The following NCOA1 variants were observed in gnomAD, a reference collection of about 807,000 sequenced individuals.
The protein encoded by NCOA1 is Hin-2 protein.
In NCOA1, 35 loss-of-function variants were observed where a neutral mutation model predicts 150.9. That is an observed-to-expected ratio of 0.23 (90% CI 0.18 to 0.31). The LOEUF (loss-of-function observed/expected upper bound fraction) is 0.31. NCOA1 is among the 10% of genes least tolerant of loss of function. The probability of loss-of-function intolerance (pLI) is 1.00; values close to 1 mark genes in which losing one functional copy is unlikely to be tolerated. For synonymous variants in NCOA1, 590 were observed against 630.0 expected, an observed-to-expected ratio of 0.94 and a Z score of 0.95; for missense variants, 1,491 against 1,749.3, an observed-to-expected ratio of 0.85 and a Z score of 2.63.
intron 3 of NCOA1, among the ~76,000 whole-genome samples, chr2:24,640,529 C>T (rs1670165875): frequency 6.6e-6 from 1 of 151,918 alleles, no homozygotes; most frequent in South Asian, 2.1e-4. Context: ...TGATTCTGGC[C>T]GGGCATGGTG....
intron 3 of NCOA1, among the ~76,000 whole-genome samples, chr2:24,616,092 T>C (rs1345261337): frequency 6.6e-6 from 1 of 152,124 alleles, no homozygotes; most frequent in East Asian, 1.9e-4. Flanking sequence ...CTTTTTGGAG[T>C]CTACATGCTT....
intron 13 of NCOA1, among the ~76,000 whole-genome samples, chr2:24,708,331 A>C (rs1212626261): frequency 6.6e-6 from 1 of 152,100 alleles, no homozygotes; most frequent in Non-Finnish European, 1.5e-5. Context: ...ATTTCCTTTG[A>C]AGCATTTCCT....
chr2:24,748,378 G>A (rs1290193803), intron 19 of NCOA1, among the ~76,000 whole-genome samples: 4 of 152,190 alleles, frequency 2.6e-5, no homozygotes, highest in South Asian at 2.1e-4. Context: ...TTGGGAGGCC[G>A]AGGCAGGCGG....
intron 12 of NCOA1, 74 bp from the exon 13 acceptor site, chr2:24,706,494 A>G (rs1673438062): frequency 6.9e-7 from 1 of 1,439,684 alleles, no homozygotes; most frequent in Non-Finnish European, 9.2e-7. Flanking sequence ...GTCTTGTTTT[A>G]GAATATGTAT....
chr2:24,688,128 A>G (rs942160288), intron 8 of NCOA1, among the ~76,000 whole-genome samples: 2 of 152,008 alleles, frequency 1.3e-5, no homozygotes, highest in African/African-American at 4.8e-5. Context: ...GTGTGTATGT[A>G]CTACATTTTC....
intron 18 of NCOA1, among the ~76,000 whole-genome samples, chr2:24,740,380 C>T (rs1345823967): frequency 1.3e-5 from 2 of 152,164 alleles, no homozygotes; most frequent in East Asian, 3.9e-4. Flanking sequence ...ACTTAGCATC[C>T]TGGCTATGTG....
intron 5 of NCOA1, among the ~76,000 whole-genome samples, chr2:24,662,446 A>AG (rs1363643481): frequency 2.0e-5 from 3 of 152,224 alleles, no homozygotes; most frequent in Non-Finnish European, 4.4e-5. Context: ...TAAGGATACA[A>AG]GTGAAATGTG....
chr2:24,723,569 A>C (rs1674462987), intron 14 of NCOA1, among the ~76,000 whole-genome samples: 1 of 152,186 alleles, frequency 6.6e-6, no homozygotes. Context: ...CAATACATTG[A>C]ATTATGTACT....
At chr2:24,688,059 T>A (rs1672489778) in intron 8 of NCOA1, among the ~76,000 whole-genome samples, 1 of 152,222 alleles carries the variant, frequency 6.6e-6, no homozygotes, top group South Asian at 2.1e-4. Flanking sequence ...TCCATTTCCA[T>A]CCATGTTCCT....
At chr2:24,578,398 A>G (rs1054898458) in intron 2 of NCOA1, among the ~76,000 whole-genome samples, 7 of 152,202 alleles carry the variant, frequency 4.6e-5, no homozygotes, top group African/African-American at 1.7e-4. Flanking sequence ...TATAAAAACT[A>G]AGCACATCTG....
Position 24,706,616 on chromosome 2 carries a change from A to G in NCOA1, c.1146A>G (p.Ser382=), listed in dbSNP as rs556436033. 1 of 1,614,066 alleles carries G rather than the reference A, an allele frequency of 6.2e-7. No homozygotes were observed. Among genetic ancestry groups the G allele is most frequent in the African/African-American group, 1.3e-5 (1 of 75,038 alleles). ...SPQDDTNSGM[S]IPRVNPSVNP... is the part of the protein sequence containing the mutation. ...AAGATGACACTAATTCTGGAATGTC[A>G]ATTCCCCGAGTAAATCCCTCGGTCA... Residue 382 remains serine (S), a synonymous_variant, in exon 13 of 23, where the codon TCA becomes TCG. Transcript: ENST00000348332.
At chr2:24,690,102 T>C (rs1672592747) in intron 8 of NCOA1, among the ~76,000 whole-genome samples, 1 of 152,202 alleles carries the variant, frequency 6.6e-6, no homozygotes, top group Admixed American at 6.5e-5. Context: ...CAAGGTATCT[T>C]ATGTATTTTA....
At chr2:24,524,638 A>T (rs1266215535) in intron 1 of NCOA1, among the ~76,000 whole-genome samples, 2 of 151,318 alleles carry the variant, frequency 1.3e-5, no homozygotes, top group Non-Finnish European at 2.9e-5. Context: ...ATGGAGTTTC[A>T]CTATTGTTGC....
chr2:24,706,746 C>A lies in NCOA1; in HGVS notation c.1276C>A (p.Leu426Ile). The A allele has an allele frequency of 1.9e-6, 3 of 1,614,214 alleles. No homozygotes were observed. The highest frequency in any genetic ancestry group is 2.5e-6 in the Non-Finnish European group (3 of 1,180,036). Residue 426 changes from leucine (L) to isoleucine (I), a missense_variant, in exon 13 of 23, where the codon CTT becomes ATT. Physicochemically the swap from Leu to Ile is conservative, Grantham distance 5. Around this residue, in one of 8 missense-constraint regions of NCOA1, gnomAD observed 703 missense variants for 717.7 expected, o/e 0.98. Coordinates refer to ENST00000348332, the MANE Select transcript of NCOA1 (RefSeq NM_003743.5). ...AATAAACCGCCAGCAGAGCTCAGAC[C>A]TTCATAGCAGCAGTCATAGTAATTC... ...TRINRQQSSD[L>I]HSSSHSNSSN... is the part of the protein sequence containing the mutation.
Position 24,564,392 on chromosome 2 carries a change from A to C in NCOA1, c.-298A>C, listed in dbSNP as rs1401299915. On this transcript the variant is annotated 5_prime_UTR_variant, in exon 2 of 23. Coordinates refer to ENST00000348332, the MANE Select transcript of NCOA1 (RefSeq NM_003743.5). ...ATGCAGTAGGCAACTTTGCTTCCAA[A>C]AGAAGTTACCAACATTTAGAATTTC... The C allele has an allele frequency of 6.6e-6, 1 of 152,212 alleles. No individual in the cohort carries two copies. The highest frequency in any genetic ancestry group is 1.5e-5 in the Non-Finnish European group (1 of 68,032). The allele number at this position is 152,212 out of a possible 1,614,324, so 9.4% of individuals were successfully genotyped here. A position where few individuals can be genotyped will look rare whatever the true frequency, so the allele number is the denominator to read the frequency against.
chr2:24,672,392 G>A (rs1310648075), intron 6 of NCOA1, among the ~76,000 whole-genome samples: 1 of 152,022 alleles, frequency 6.6e-6, no homozygotes, highest in African/African-American at 2.4e-5. Flanking sequence ...TGGAATACTT[G>A]AAATCCTTCT....
chr2:24,576,149 G>GTTTTTTTTTGTTTTTTTTT lies in NCOA1; in HGVS notation c.-259-8318_-259-8317insGTTTTTTTTTTTTTTTTTT, dbSNP rs1666947727. On this transcript the variant is annotated intron_variant, in intron 2 of 22. Coordinates refer to ENST00000348332, the MANE Select transcript of NCOA1 (RefSeq NM_003743.5). ...GAGTTTCAGAAATTATTTGGCCTTTGTTTTTTTTTTTTTGTTTTTTGTTTT... is the reference window on the plus strand; with the variant it reads ...GAGTTTCAGAAATTATTTGGCCTTTGTTTTTTTTTGTTTTTTTTTTTTTTTTTTTTTTGTTTTTTGTTTT... Among the ~76,000 whole-genome samples, 65 of 93,994 alleles carry GTTTTTTTTTGTTTTTTTTT rather than the reference G, an allele frequency of 6.9e-4. 2 individuals are homozygous for GTTTTTTTTTGTTTTTTTTT. Among genetic ancestry groups the GTTTTTTTTTGTTTTTTTTT allele is most frequent in the Non-Finnish European group, 1.1e-3 (53 of 48,846 alleles). 61.7% of individuals were successfully genotyped at this position (93,994 alleles called of 152,430 possible).
Position 24,768,967 on chromosome 2 carries a change from TCTC to T in NCOA1, c.*579_*581del. 2 of 213,454 alleles carry T rather than the reference TCTC, an allele frequency of 9.4e-6. No homozygotes were observed. Among genetic ancestry groups the T allele is most frequent in the Middle Eastern group, 1.5e-3 (1 of 658 alleles). The allele number at this position is 213,454 out of a possible 1,614,324, so 13.2% of individuals were successfully genotyped here. The stretch of plus-strand genomic sequence containing the variant: ...ATTTTGCCTCCACATATGTACCCCT[TCTC>T]CTTTTTTTAAAGATGGATTTAAACC... On this transcript the variant is annotated 3_prime_UTR_variant, in exon 23 of 23. Transcript: ENST00000348332.
At chr2:24,503,068 T>C (rs930939519) in intron 1 of NCOA1, among the ~76,000 whole-genome samples, 1 of 152,214 alleles carries the variant, frequency 6.6e-6, no homozygotes, top group Non-Finnish European at 1.5e-5. Context: ...ATTTGTCAAG[T>C]CATATTGATT....
Sources: allele counts gnomAD v4.1 joint callset (sites outside exome capture counted in the v4.1 genomes callset), GRCh38; gene constraint gnomAD v4.1.1; regional missense constraint gnomAD v4.1.1; transcripts MANE v1.5; gene names NCBI Gene and HGNC (gene_info 2026-07-23, HGNC 2026-07-21).